FANCD2: variants seen among roughly 807,000 people sequenced by gnomAD.
FANCD2 encodes the protein FA complementation group D2.
FANCD2 carries 131 observed loss-of-function variants against 192.3 expected under a neutral mutation model. That is an observed-to-expected ratio of 0.68 (90% CI 0.59 to 0.79). The LOEUF (loss-of-function observed/expected upper bound fraction) is 0.79, where lower values mean the gene tolerates loss of function less well. Ranked by LOEUF, FANCD2 falls within the 30% of genes least tolerant of loss-of-function variation. FANCD2 has a pLI of 0.00. For missense variants in FANCD2, 1,508 were observed against 1,701.6 expected (o/e 0.89, Z 2.00); for synonymous variants, 524 against 612.5 (o/e 0.86, Z 2.13).
intron 6 of FANCD2, among the ~76,000 whole-genome samples, chr3:10,035,974 T>C (rs2086717510): frequency 6.6e-6 from 1 of 152,116 alleles, no homozygotes; most frequent in Admixed American, 6.6e-5. Flanking sequence ...TGTATTCCAA[T>C]AGCATATTCT....
chr3:10,101,569 A>G lies in FANCD2; in HGVS notation c.*307A>G. 1 of 407,592 alleles carries G rather than the reference A, an allele frequency of 2.5e-6. No homozygotes were observed. The highest frequency in any genetic ancestry group is 2.4e-5 in the South Asian group (1 of 40,836). 25.2% of individuals were successfully genotyped at this position (407,592 alleles called of 1,614,324 possible). A position where few individuals can be genotyped will look rare whatever the true frequency, so the allele number is the denominator to read the frequency against. On this transcript the variant is annotated 3_prime_UTR_variant, in exon 44 of 44. Coordinates refer to ENST00000675286, the MANE Select transcript of FANCD2 (RefSeq NM_001018115.3). ...CCCAGCTAATTTTTGTATTTTTAGT[A>G]GATACGGGGTTTTACCATGTCGGCC...
chr3:10,039,576 A>G, intron 8 of FANCD2, 145 bp from the exon 9 acceptor site: 2 of 957,810 alleles, frequency 2.1e-6, no homozygotes, highest in Non-Finnish European at 3.1e-6. Flanking sequence ...AATAAATTAA[A>G]TATTTGGGAA....
At chr3:10,078,687 G>A (rs1693663901) in intron 30 of FANCD2, among the ~76,000 whole-genome samples, 1 of 151,650 alleles carries the variant, frequency 6.6e-6, no homozygotes, top group South Asian at 2.1e-4. Flanking sequence ...CTGAAGGCTG[G>A]GCGTGGTGGC....
Position 10,072,875 on chromosome 3 carries a change from C to G in FANCD2, c.2499C>G (p.Thr833=). 2 of 1,579,642 alleles carry G rather than the reference C, an allele frequency of 1.3e-6. No individual in the cohort carries two copies. Reference sequence around the variant, plus strand: ...TCAGCCTGCTGTTTGTTTCAGTCACCCCAGACTATGTCCCTCCTCTTGGAA... The same window carrying G: ...TCAGCCTGCTGTTTGTTTCAGTCACGCCAGACTATGTCCCTCCTCTTGGAA... ...QIILEKYLAV[T]PDYVPPLGNF... Residue 833 remains threonine, a synonymous_variant, in exon 27 of 44, where the codon ACC becomes ACG. Transcript: ENST00000675286.
chr3:10,035,324 G>C lies in FANCD2; in HGVS notation c.438+91G>C. ...ATAGCGGGAACACAGGATAGAGTAG[G>C]GTTAATTGGAGAATTTGGGTTTGTA... On this transcript the variant is annotated intron_variant, in intron 6 of 43. Transcript: ENST00000675286. 4 of 1,160,370 alleles carry C rather than the reference G, an allele frequency of 3.4e-6. No homozygotes were observed. The Admixed American group carries it at 6.8e-5, about 20-fold the overall frequency. The allele number at this position is 1,160,370 out of a possible 1,614,324, so 71.9% of individuals were successfully genotyped here. A position where few individuals can be genotyped will look rare whatever the true frequency, so the allele number is the denominator to read the frequency against.
intron 18 of FANCD2, among the ~76,000 whole-genome samples, chr3:10,053,560 TA>T (rs931202204): frequency 4.6e-5 from 7 of 151,228 alleles, no homozygotes; most frequent in Non-Finnish European, 7.4e-5. Context: ...AGAATAAAAT[TA>T]AAAAAAATTT....
chr3:10,085,404 T>G (rs1048961942), intron 32 of FANCD2, among the ~76,000 whole-genome samples: 3 of 150,008 alleles, frequency 2.0e-5, no homozygotes, highest in Non-Finnish European at 3.0e-5. Context: ...CTTTTTTTTT[T>G]TTTTTTGAGA....
At position 10,041,717 on chromosome 3, in the gene FANCD2, A is replaced by G. The variant is rs149462059; in HGVS notation, c.783+7A>G. Reference sequence around the variant, plus strand: ...CCCAAACTTCCTATTGAAGGTAGAAAAGACTCAGCTTTCCAGAAACAGAGC... The same window carrying G: ...CCCAAACTTCCTATTGAAGGTAGAAGAGACTCAGCTTTCCAGAAACAGAGC... On this transcript the variant is annotated splice_region_variant and intron_variant, in intron 10 of 43. Coordinates refer to ENST00000675286, the MANE Select transcript of FANCD2 (RefSeq NM_001018115.3). 9.3e-6 allele frequency: 15 copies of G among 1,609,868 alleles called. 1 individual carries two copies. The highest frequency in any genetic ancestry group is 2.7e-5 in the African/African-American group (2 of 74,938).
intron 18 of FANCD2, among the ~76,000 whole-genome samples, chr3:10,054,464 TATATA>T (rs1462650515): frequency 3.1e-3 from 92 of 29,214 alleles, no homozygotes; most frequent in Non-Finnish European, 5.4e-3. Flanking sequence ...TATATATATA[TATATA>T]TATATTTTTT....
intron 26 of FANCD2, among the ~76,000 whole-genome samples, chr3:10,070,577 A>G (rs1304351100): frequency 2.1e-5 from 3 of 140,548 alleles, no homozygotes; most frequent in South Asian, 4.6e-4. Context: ...GGCCGCCCCT[A>G]CTGGGAAGTG....
chr3:10,087,281 CTT>C lies in FANCD2; in HGVS notation c.3466+35_3466+36del, dbSNP rs371321981. 81,895 of 1,248,074 alleles carry C rather than the reference CTT, an allele frequency of 0.066. No individual in the cohort carries two copies. Among genetic ancestry groups the C allele is most frequent in the East Asian group, 0.1 (3,432 of 33,786 alleles). The allele number at this position is 1,248,074 out of a possible 1,614,324, so 77.3% of individuals were successfully genotyped here. Reference sequence around the variant, plus strand: ...AAAAAATTGGTGATGGGCCTAGATCCTTTTTTTTTTTTTTTTTTTAATGAATA... The same window carrying C: ...AAAAAATTGGTGATGGGCCTAGATCCTTTTTTTTTTTTTTTTTAATGAATA... On this transcript the variant is annotated intron_variant, in intron 34 of 43. Transcript: ENST00000675286.
chr3:10,093,794 A>G (rs1322580046), intron 39 of FANCD2, among the ~76,000 whole-genome samples: 1 of 152,012 alleles, frequency 6.6e-6, no homozygotes, highest in African/African-American at 2.4e-5. Flanking sequence ...CTACTTCGCC[A>G]CTCCTCAAGT....
At chr3:10,063,029 ATC>A (rs1342326936) in intron 20 of FANCD2, among the ~76,000 whole-genome samples, 20 of 152,288 alleles carry the variant, frequency 1.3e-4, no homozygotes, top group African/African-American at 4.6e-4. Context: ...TATCCATTTA[ATC>A]TCTCTAATTA....
chr3:10,075,826 G>A (rs550571186), intron 29 of FANCD2, among the ~76,000 whole-genome samples: 1 of 149,968 alleles, frequency 6.7e-6, no homozygotes, highest in Admixed American at 6.7e-5. Context: ...CGCCTCCCGG[G>A]TTCACACCAT....
intron 32 of FANCD2, 146 bp from the exon 33 acceptor site, chr3:10,085,666 A>G: frequency 1.5e-6 from 1 of 682,594 alleles, no homozygotes; most frequent in South Asian, 1.4e-5. Flanking sequence ...CTGGGATTAC[A>G]GGTGTGAGCC....
At chr3:10,070,137 G>A (rs530022240) in intron 26 of FANCD2, among the ~76,000 whole-genome samples, 3 of 149,830 alleles carry the variant, frequency 2.0e-5, no homozygotes, top group East Asian at 2.0e-4. Flanking sequence ...GGTGAGGAGC[G>A]TCTCTGCCCG....
At position 10,052,387 on chromosome 3, in the gene FANCD2, G is replaced by C. The variant is rs1467897520; in HGVS notation, c.1546G>C (p.Gly516Arg). ...AMMMNAVFVK[G>R]ILDYLDNISP... The stretch of plus-strand genomic sequence containing the variant: ...ATTGTTGGCATCATTTTTTCCACAG[G>C]GCATTTTAGATTATCTGGATAACAT... Residue 516 changes from glycine to arginine, a missense_variant and splice_region_variant, in exon 18 of 44, where the codon GGC becomes CGC. Around this residue, in one of 5 missense-constraint regions of FANCD2, gnomAD observed 110 missense variants for 114.4 expected, o/e 0.96. Transcript: ENST00000675286. 6.3e-7 allele frequency: 1 copy of C among 1,591,462 alleles called. No individual in the cohort carries two copies. Among genetic ancestry groups the C allele is most frequent in the Middle Eastern group, 1.7e-4 (1 of 5,984 alleles).
chr3:10,086,595 C>T (rs1267684533), intron 33 of FANCD2, among the ~76,000 whole-genome samples: 1 of 152,106 alleles, frequency 6.6e-6, no homozygotes, highest in African/African-American at 2.4e-5. Context: ...GATTGTACTG[C>T]CTCAGCCTCC....
chr3:10,052,529 T>TC (rs1285581828), intron 18 of FANCD2, 32 bp downstream of exon 18: 1 of 1,501,114 alleles, frequency 6.7e-7, no homozygotes, highest in Non-Finnish European at 9.3e-7. Flanking sequence ...AAGATTTTTT[T>TC]TTTTTTGAGA....
Sources: allele counts gnomAD v4.1 joint callset (sites outside exome capture counted in the v4.1 genomes callset), GRCh38; gene constraint gnomAD v4.1.1; regional missense constraint gnomAD v4.1.1; transcripts MANE v1.5; gene names NCBI Gene and HGNC (gene_info 2026-07-23, HGNC 2026-07-21).